The following NINJ2 variants were observed in gnomAD, a reference collection of about 807,000 sequenced individuals.
NINJ2 encodes ninjurin 2.
NINJ2 carries 12 observed loss-of-function variants against 11.7 expected under a neutral mutation model. That is an observed-to-expected ratio of 1.02 (90% CI 0.66 to 1.66). The LOEUF (loss-of-function observed/expected upper bound fraction) is 1.66, where lower values mean the gene tolerates loss of function less well. Among genes scored for constraint, NINJ2 ranks in the 40% most tolerant of loss-of-function variants. NINJ2 has a pLI of 0.00. For synonymous variants in NINJ2, 93 were observed against 76.8 expected (o/e 1.21, Z -1.10); for missense variants, 187 against 181.8 (o/e 1.03, Z -0.16).
intron 1 of NINJ2, among the ~76,000 whole-genome samples, chr12:623,345 T>C (rs111458733): frequency 0.014 from 2,064 of 152,260 alleles, 50 homozygotes; most frequent in African/African-American, 0.047. Flanking sequence ...CCCCCACTGC[T>C]ACCCGAGCAG....
At chr12:601,536 A>C (rs1279660679) in intron 1 of NINJ2, among the ~76,000 whole-genome samples, 14 of 149,814 alleles carry the variant, frequency 9.3e-5, no homozygotes, top group Admixed American at 4.0e-4. Context: ...CCACAGAAGC[A>C]AGACTCCGTC....
intron 1 of NINJ2, among the ~76,000 whole-genome samples, chr12:575,475 C>T (rs532809915): frequency 1.5e-4 from 23 of 152,318 alleles, no homozygotes; most frequent in African/African-American, 4.8e-4. Flanking sequence ...CACCATGCTC[C>T]CCCCAGGGAG....
Position 663,313 on chromosome 12 carries a change from C to T in NINJ2, c.33+15G>A. 3.7e-6 allele frequency: 6 copies of T among 1,612,286 alleles called. No homozygotes were observed. The highest frequency in any genetic ancestry group is 5.1e-6 in the Non-Finnish European group (6 of 1,178,608). On this transcript the variant is annotated intron_variant, in intron 1 of 3. Coordinates refer to ENST00000305108, the MANE Select transcript of NINJ2 (RefSeq NM_016533.6). Reference sequence around the variant, plus strand: ...CTCCCGGTCTCCCCTCTGCTCTCTTCCAGAGAGAACTTACTTGAAGGTCGA... The same window carrying T: ...CTCCCGGTCTCCCCTCTGCTCTCTTTCAGAGAGAACTTACTTGAAGGTCGA...
chr12:643,559 A>T, intron 1 of NINJ2: 1 of 987,992 alleles, frequency 1.0e-6, no homozygotes, highest in Non-Finnish European at 1.2e-6. Context: ...GCGTGTCGTC[A>T]TTTTAGGGCT....
intron 2 of NINJ2, 136 bp from the exon 3 acceptor site, chr12:565,537 C>A (rs1290933269): frequency 1.6e-5 from 15 of 926,704 alleles, no homozygotes; most frequent in Non-Finnish European, 2.5e-5. Context: ...AGGTGGTCGT[C>A]ATCGGGCTGA....
rs867965675 is a variant in NINJ2, at chr12:573,525, G to A, written c.34-7347C>T. Among the ~76,000 whole-genome samples, 38 of 152,092 alleles carry A rather than the reference G, an allele frequency of 2.5e-4. 1 individual carries two copies. The Middle Eastern group carries it at 0.024, about 95-fold the overall frequency. On this transcript the variant is annotated intron_variant, in intron 1 of 3. Transcript: ENST00000305108. ...ACCTCAGAGGCGGAGGTTGCAGTGG[G>A]ACAAGATTGCACCACTGCACTCCAG...
chr12:655,036 A>G (rs1028179935), intron 1 of NINJ2, among the ~76,000 whole-genome samples: 3 of 152,252 alleles, frequency 2.0e-5, no homozygotes, highest in Non-Finnish European at 4.4e-5. Context: ...CCCATTCATG[A>G]TAAAAACTCT....
rs752728356 is a variant in NINJ2 at position 565,353 on chromosome 12, A to G, written c.311T>C (p.Leu104Pro). 6.2e-7 allele frequency: 1 copy of G among 1,614,166 alleles called. No individual in the cohort carries two copies. Among genetic ancestry groups the G allele is most frequent in the Non-Finnish European group, 8.5e-7 (1 of 1,180,022 alleles). The change falls in exon 3 of 4, where the codon CTC becomes CCC. Residue 104 changes from leucine to proline, a missense_variant. Transcript: ENST00000305108. ...EVEKQWRLNQ[L>P]NNAATILVFF... is the part of the protein sequence containing the mutation. The stretch of plus-strand genomic sequence containing the variant: ...GACCAAGATGGTGGCTGCGTTGTTG[A>G]GCTGGTTGAGTCGCCACTGCTTTTC...
chr12:584,059 TAA>T (rs58387031), intron 1 of NINJ2, among the ~76,000 whole-genome samples: 12 of 149,326 alleles, frequency 8.0e-5, no homozygotes, highest in African/African-American at 2.5e-4. Context: ...ACATTTGGAG[TAA>T]AAAAAAAACC....
intron 1 of NINJ2, chr12:610,362 C>T: frequency 2.6e-6 from 4 of 1,535,554 alleles, no homozygotes; most frequent in Non-Finnish European, 3.5e-6. Flanking sequence ...CATCATGACT[C>T]AGATCCCATT....
At chr12:652,255 A>G (rs1445626287) in intron 1 of NINJ2, among the ~76,000 whole-genome samples, 1 of 152,264 alleles carries the variant, frequency 6.6e-6, no homozygotes, top group Non-Finnish European at 1.5e-5. Context: ...CGGAGAAGAA[A>G]GTGGAGTGAA....
intron 1 of NINJ2, among the ~76,000 whole-genome samples, chr12:620,357 AG>A (rs149052300): frequency 0.15 from 22,395 of 152,308 alleles, 2,056 homozygotes; most frequent in South Asian, 0.26. Flanking sequence ...CTTTGCGGGA[AG>A]GGGAGAGGGT....
rs913116750 is a variant in NINJ2 at position 633,901 on chromosome 12, C to T, written c.33+29427G>A. Among the ~76,000 whole-genome samples, 5 of 152,230 alleles carry T rather than the reference C, an allele frequency of 3.3e-5. No individual in the cohort carries two copies. Among genetic ancestry groups the T allele is most frequent in the East Asian group, 1.9e-4 (1 of 5,184 alleles). On this transcript the variant is annotated intron_variant, in intron 1 of 3. Transcript: ENST00000305108. The surrounding 1 kb of genome is among the most constrained non-coding windows in gnomAD (Gnocchi z 4.3). The stretch of plus-strand genomic sequence containing the variant: ...GGTTATTTAAAAATCCCCCATAATT[C>T]GGCCCCACCCCACCTATCCAGTTGT...
chr12:613,786 T>G (rs918539190), intron 1 of NINJ2, among the ~76,000 whole-genome samples: 14 of 151,964 alleles, frequency 9.2e-5, no homozygotes, highest in Non-Finnish European at 1.3e-4. Flanking sequence ...GCGCCTGTAG[T>G]CCCAGCTACT....
chr12:629,896 A>AAAAAAAAAAAAAAATATATATATATATAT, intron 1 of NINJ2, among the ~76,000 whole-genome samples: 1 of 9,904 alleles, frequency 1.0e-4, no homozygotes, highest in African/African-American at 1.5e-4. Flanking sequence ...AAAAAAAAAA[A>AAAAAAAAAAAAAAATATATATATATATAT]ATATATATAT....
At chr12:599,995 C>G (rs1947846302) in intron 1 of NINJ2, among the ~76,000 whole-genome samples, 1 of 152,194 alleles carries the variant, frequency 6.6e-6, no homozygotes, top group African/African-American at 2.4e-5. Context: ...TCAGCCCTCC[C>G]CTGCCTGGTT....
chr12:663,315 A>G lies in NINJ2; in HGVS notation c.33+13T>C. ...CCCGGTCTCCCCTCTGCTCTCTTCC[A>G]GAGAGAACTTACTTGAAGGTCGATG... On this transcript the variant is annotated intron_variant, in intron 1 of 3. Coordinates refer to ENST00000305108, the MANE Select transcript of NINJ2 (RefSeq NM_016533.6). 1.2e-6 allele frequency: 2 copies of G among 1,613,398 alleles called. No individual in the cohort carries two copies. The highest frequency in any genetic ancestry group is 1.3e-5 in the African/African-American group (1 of 75,034).
In NINJ2 at chr12:565,275, G is replaced by A; in HGVS notation, c.389C>T (p.Thr130Ile). 3 of 1,614,208 alleles carry A rather than the reference G, an allele frequency of 1.9e-6. No homozygotes were observed. The highest frequency in any genetic ancestry group is 2.5e-6 in the Non-Finnish European group (3 of 1,180,012). ...VFITAFGAHK[T>I]GFLAARASRN... is the part of the protein sequence containing the mutation. The stretch of plus-strand genomic sequence containing the variant: ...TGAGGCCCTGGCAGCCAGGAACCCT[G>A]TTTTATGTGCCCCGAAGGCTGTAAT... Residue 130 changes from threonine (T) to isoleucine (I), a missense_variant, in exon 3 of 4, where the codon ACA becomes ATA. Coordinates refer to ENST00000305108, the MANE Select transcript of NINJ2 (RefSeq NM_016533.6).
At chr12:584,704 G>A (rs781527090) in intron 1 of NINJ2, among the ~76,000 whole-genome samples, 2 of 152,114 alleles carry the variant, frequency 1.3e-5, no homozygotes, top group South Asian at 4.1e-4. Context: ...TGCTCAGGAG[G>A]CTAAGGCAGG....
Sources: allele counts gnomAD v4.1 joint callset (sites outside exome capture counted in the v4.1 genomes callset), GRCh38; gene constraint gnomAD v4.1.1; non-coding constraint Gnocchi (gnomAD v3.1); transcripts MANE v1.5; gene names NCBI Gene and HGNC (gene_info 2026-07-23, HGNC 2026-07-21).